MAGI1: variants seen among roughly 807,000 people sequenced by gnomAD.
MAGI1 encodes the protein membrane-associated guanylate kinase, WW and PDZ domain-containing protein 1.
Under a neutral mutation model 139.9 loss-of-function variants are expected in MAGI1, and 58 were observed. The ratio of observed to expected loss-of-function variants is 0.41; its 90% CI spans 0.34 to 0.52. The LOEUF (loss-of-function observed/expected upper bound fraction) is 0.52. Among genes scored for constraint, MAGI1 ranks in the 20% least tolerant of loss-of-function variants. The probability of loss-of-function intolerance (pLI) is 0.12; values close to 1 mark genes in which losing one functional copy is unlikely to be tolerated. For missense variants in MAGI1, 1,874 were observed against 1,901.6 expected (o/e 0.99, Z 0.27); for synonymous variants, 812 against 737.9 (o/e 1.10, Z -1.63).
At chr3:65,742,136 A>G (rs2035326984) in intron 1 of MAGI1, among the ~76,000 whole-genome samples, 1 of 152,216 alleles carries the variant, frequency 6.6e-6, no homozygotes, top group African/African-American at 2.4e-5. Flanking sequence ...CACTGTATCA[A>G]GTCCAAGAAG....
intron 1 of MAGI1, chr3:65,688,447 A>C (rs981683904): frequency 4.1e-6 from 2 of 485,514 alleles, no homozygotes; most frequent in Non-Finnish European, 8.0e-6. Flanking sequence ...AGGAAGAAGA[A>C]AGCATGGAAA....
At chr3:65,509,753 G>C (rs1428071882) in intron 2 of MAGI1, among the ~76,000 whole-genome samples, 1 of 152,098 alleles carries the variant, frequency 6.6e-6, no homozygotes, top group East Asian at 1.9e-4. Context: ...GCCCAGGCTT[G>C]CTTAGGTAAA....
intron 1 of MAGI1, among the ~76,000 whole-genome samples, chr3:65,962,464 T>TAC (rs765481911): frequency 2.6e-5 from 4 of 152,252 alleles, no homozygotes; most frequent in Admixed American, 6.5e-5. Context: ...CTCCAGGAAC[T>TAC]ACACACACAA....
At chr3:65,739,574 A>T (rs1247624262) in intron 1 of MAGI1, among the ~76,000 whole-genome samples, 1 of 152,194 alleles carries the variant, frequency 6.6e-6, no homozygotes, top group African/African-American at 2.4e-5. Context: ...ATTCAGCTTA[A>T]TCATCTCTAG....
intron 1 of MAGI1, among the ~76,000 whole-genome samples, chr3:65,629,342 G>A (rs967890197): frequency 1.3e-5 from 2 of 152,056 alleles, no homozygotes; most frequent in Non-Finnish European, 2.9e-5. Context: ...ACATCCAGAA[G>A]GTCAAAGAAT....
At chr3:65,627,789 A>AGC (rs1037135027) in intron 1 of MAGI1, among the ~76,000 whole-genome samples, 1 of 151,916 alleles carries the variant, frequency 6.6e-6, no homozygotes, top group Non-Finnish European at 1.5e-5. Flanking sequence ...TACAGGCTTG[A>AGC]GCCACTGAGC....
chr3:65,982,835 G>C (rs1357165859), intron 1 of MAGI1, among the ~76,000 whole-genome samples: 1 of 152,126 alleles, frequency 6.6e-6, no homozygotes, highest in Non-Finnish European at 1.5e-5. Context: ...TCTCATGAGA[G>C]GTCCTGAGAG....
At chr3:65,756,790 G>A (rs2107851175) in intron 1 of MAGI1, among the ~76,000 whole-genome samples, 1 of 152,226 alleles carries the variant, frequency 6.6e-6, no homozygotes, top group Non-Finnish European at 1.5e-5. Context: ...GAGTTAAAAT[G>A]AAAGCTATAC....
intron 1 of MAGI1, chr3:65,844,237 G>A (rs961167883): frequency 4.2e-6 from 2 of 471,438 alleles, no homozygotes; most frequent in African/African-American, 3.9e-5. Flanking sequence ...TCATTGAGCA[G>A]ATCCGGGTGA....
intron 2 of MAGI1, among the ~76,000 whole-genome samples, chr3:65,557,409 A>G (rs1471529228): frequency 2.0e-5 from 3 of 152,222 alleles, no homozygotes; most frequent in African/African-American, 7.2e-5. Flanking sequence ...CCATGCTTTC[A>G]GATGACTGTA....
chr3:65,804,405 G>GAT (rs1390662909), intron 1 of MAGI1, among the ~76,000 whole-genome samples: 1 of 151,104 alleles, frequency 6.6e-6, no homozygotes, highest in Non-Finnish European at 1.5e-5. Context: ...GGTATAAACT[G>GAT]ATATATATAA....
intron 1 of MAGI1, among the ~76,000 whole-genome samples, chr3:65,787,685 C>A (rs1427319519): frequency 6.6e-6 from 1 of 151,744 alleles, no homozygotes; most frequent in African/African-American, 2.4e-5. Flanking sequence ...CTGTCAGGGA[C>A]AAGTTCATGG....
chr3:65,876,803 G>A (rs2060134652), intron 1 of MAGI1, among the ~76,000 whole-genome samples: 1 of 150,438 alleles, frequency 6.6e-6, no homozygotes, highest in Non-Finnish European at 1.5e-5. Context: ...GAGTGCAGTG[G>A]CCCAATCTCA....
intron 1 of MAGI1, among the ~76,000 whole-genome samples, chr3:65,976,357 G>T (rs1324836920): frequency 1.3e-5 from 2 of 152,120 alleles, no homozygotes; most frequent in African/African-American, 4.8e-5. Context: ...GGCCAGGCAT[G>T]GTGGCTCATG....
intron 1 of MAGI1, among the ~76,000 whole-genome samples, chr3:65,653,084 T>C (rs945742902): frequency 4.6e-5 from 7 of 152,190 alleles, no homozygotes; most frequent in African/African-American, 1.7e-4. Context: ...AAAACTTGTA[T>C]ACTTTTTTTT....
At chr3:65,539,402 C>A (rs1449235530) in intron 2 of MAGI1, among the ~76,000 whole-genome samples, 1 of 152,182 alleles carries the variant, frequency 6.6e-6, no homozygotes, top group Non-Finnish European at 1.5e-5. Flanking sequence ...CAAAAAGACA[C>A]ACCAACTACT....
intron 2 of MAGI1, among the ~76,000 whole-genome samples, chr3:65,547,185 G>A (rs895039013): frequency 2.0e-5 from 3 of 152,174 alleles, no homozygotes; most frequent in East Asian, 3.9e-4. Flanking sequence ...TGTTTTAAGC[G>A]CATCTCTTAT....
At position 65,356,896 on chromosome 3, in the gene MAGI1, T is replaced by C. The variant is rs1255101018; in HGVS notation, c.3871A>G (p.Ser1291Gly). ...TWNGTSRKPD[S>G]GACRPKDRAP... is the part of the protein sequence containing the mutation. ...CGGTCCTTGGGTCGGCATGCCCCGC[T>C]GTCGGGTTTCCTCGAAGTCCCATTC... The change falls in exon 23 of 23, where the codon AGC becomes GGC. Residue 1291 changes from serine (S) to glycine (G), a missense_variant. By Grantham distance (56) the Ser-to-Gly change is moderately conservative. This residue lies in a region of MAGI1 where 653 missense variants were observed against 644.5 expected (regional missense o/e 1.01). Transcript: ENST00000402939. 1.2e-6 allele frequency: 2 copies of C among 1,614,180 alleles called. No individual in the cohort carries two copies. The highest frequency in any genetic ancestry group is 3.3e-5 in the Admixed American group (2 of 60,034).
intron 1 of MAGI1, among the ~76,000 whole-genome samples, chr3:65,737,662 AG>A (rs1180900242): frequency 2.0e-5 from 3 of 152,198 alleles, no homozygotes; most frequent in Non-Finnish European, 2.9e-5. Flanking sequence ...CAGAAAATAA[AG>A]ATTTTACATG....
Sources: allele counts gnomAD v4.1 joint callset (sites outside exome capture counted in the v4.1 genomes callset), GRCh38; gene constraint gnomAD v4.1.1; regional missense constraint gnomAD v4.1.1; transcripts MANE v1.5; gene names NCBI Gene and HGNC (gene_info 2026-07-23, HGNC 2026-07-21).